SYCP2: variants seen among roughly 807,000 people sequenced by gnomAD.
SYCP2 encodes synaptonemal complex protein 2.
Under a neutral mutation model 211.3 loss-of-function variants are expected in SYCP2, and 55 were observed. The observed-to-expected ratio is 0.26, with a 90% confidence interval of 0.21 to 0.33. The LOEUF (loss-of-function observed/expected upper bound fraction) is 0.33, where lower values mean the gene tolerates loss of function less well. Among genes scored for constraint, SYCP2 ranks in the 10% least tolerant of loss-of-function variants. SYCP2 has a pLI of 1.00. For missense variants in SYCP2, 1,731 were observed against 1,752.0 expected, an observed-to-expected ratio of 0.99 and a Z score of 0.21; for synonymous variants, 570 against 555.2, an observed-to-expected ratio of 1.03 and a Z score of -0.37.
chr20:59,882,728 T>C (rs1415654989), intron 26 of SYCP2, among the ~76,000 whole-genome samples: 1 of 151,756 alleles, frequency 6.6e-6, no homozygotes, highest in Admixed American at 6.6e-5. Flanking sequence ...GCTAAAAAAG[T>C]GAATCTTATG....
Position 59,901,819 on chromosome 20 carries a change from AAAC to A in SYCP2, c.1034-12_1034-10del, listed in dbSNP as rs755033468. On this transcript the variant is annotated splice_polypyrimidine_tract_variant and intron_variant, in intron 15 of 44. Transcript: ENST00000357552. ...CTTCTTTGATTCTCTCACTGTATAG[AAAC>A]AACACTGATTAGTTTACGTTTCTAT... 3 of 1,570,824 alleles carry A rather than the reference AAAC, an allele frequency of 1.9e-6. No homozygotes were observed. The highest frequency in any genetic ancestry group is 1.4e-5 in the African/African-American group (1 of 72,540).
intron 7 of SYCP2, among the ~76,000 whole-genome samples, chr20:59,918,865 T>C (rs1025073438): frequency 1.3e-5 from 2 of 152,124 alleles, no homozygotes; most frequent in African/African-American, 2.4e-5. Flanking sequence ...TAGACCTATA[T>C]TACAAAAAAT....
chr20:59,870,651 A>G (rs1470725223), intron 35 of SYCP2, among the ~76,000 whole-genome samples: 2 of 151,862 alleles, frequency 1.3e-5, no homozygotes, highest in Admixed American at 6.6e-5. Context: ...TCTAAAATGT[A>G]TATGAATCAG....
At chr20:59,914,852 T>C (rs2060405290) in intron 10 of SYCP2, among the ~76,000 whole-genome samples, 1 of 151,972 alleles carries the variant, frequency 6.6e-6, no homozygotes. Flanking sequence ...GCTATTATAT[T>C]AATCTATTAA....
chr20:59,875,211 A>C (rs6070989), intron 34 of SYCP2, 60 bp downstream of exon 34: 20 of 1,086,458 alleles, frequency 1.8e-5, no homozygotes, highest in Non-Finnish European at 2.5e-5. Flanking sequence ...ATTTTCCCAT[A>C]ATTAGAGTTA....
chr20:59,919,361 T>G, intron 6 of SYCP2, 132 bp downstream of exon 6: 1 of 735,316 alleles, frequency 1.4e-6, no homozygotes, highest in South Asian at 1.7e-5. Context: ...TTATACAATC[T>G]GAACAGACCA....
At chr20:59,903,120 T>C (rs528159461) in intron 15 of SYCP2, among the ~76,000 whole-genome samples, 1 of 152,262 alleles carries the variant, frequency 6.6e-6, no homozygotes, top group East Asian at 1.9e-4. Context: ...TGTCTACCTA[T>C]GTTATGGCTA....
Position 59,867,767 on chromosome 20 carries a change from C to G in SYCP2, c.4069G>C (p.Glu1357Gln), listed in dbSNP as rs1157720406. 6.2e-7 allele frequency: 1 copy of G among 1,610,254 alleles called. No individual in the cohort carries two copies. The highest frequency in any genetic ancestry group is 1.3e-5 in the African/African-American group (1 of 74,802). ...CTCTCGTAAGTCTCATAAGTCATCTCTATCCCTGCAAATTCATTTTGCCAG... is the reference window on the plus strand; with the variant it reads ...CTCTCGTAAGTCTCATAAGTCATCTGTATCCCTGCAAATTCATTTTGCCAG... ...ETWQNEFAGI[E>Q]MTYETYERLN... Residue 1357 changes from glutamate (E) to glutamine (Q), a missense_variant, in exon 39 of 45, where the codon GAG becomes CAG. Glu to Gln is a conservative substitution (Grantham distance 29). Coordinates refer to ENST00000357552, the MANE Select transcript of SYCP2 (RefSeq NM_014258.4).
chr20:59,910,291 G>A (rs2060291319), intron 14 of SYCP2, among the ~76,000 whole-genome samples: 1 of 150,998 alleles, frequency 6.6e-6, no homozygotes, highest in South Asian at 2.1e-4. Context: ...CTTGATCAGT[G>A]TCTGGAACAC....
intron 12 of SYCP2, 107 bp from the exon 13 acceptor site, chr20:59,912,525 A>AT: frequency 2.2e-6 from 1 of 454,496 alleles, no homozygotes; most frequent in Admixed American, 4.6e-5. Context: ...GGCAGTGGTC[A>AT]TAATAATTGA....
intron 12 of SYCP2, among the ~76,000 whole-genome samples, chr20:59,913,717 A>G (rs1183186412): frequency 6.6e-6 from 1 of 152,152 alleles, no homozygotes; most frequent in African/African-American, 2.4e-5. Flanking sequence ...TTATTAATTA[A>G]TATGAATTAA....
rs2060345618 is a variant in SYCP2 at position 59,912,251 on chromosome 20, C to A, written c.876+122G>T. 3 of 529,348 alleles carry A rather than the reference C, an allele frequency of 5.7e-6. No individual in the cohort carries two copies. In the African/African-American group the frequency reaches 6.0e-5, roughly 11 times the overall value. 32.8% of individuals were successfully genotyped at this position (529,348 alleles called of 1,614,324 possible). ...CACTGTCAGATACAGAATACTAGAC[C>A]AGCTACATTCATGATCTAATTACAA... On this transcript the variant is annotated intron_variant, in intron 13 of 44. Transcript: ENST00000357552.
Position 59,892,009 on chromosome 20 carries a change from T to C in SYCP2, c.2345A>G (p.Asp782Gly), listed in dbSNP as rs758211968. The C allele has an allele frequency of 8.8e-5, 139 of 1,588,218 alleles. No individual in the cohort carries two copies. Among genetic ancestry groups the C allele is most frequent in the Non-Finnish European group, 1.1e-4 (131 of 1,170,996 alleles). The part of the protein sequence containing the change: ...KELTSELNSW[D>G]SKQKKMREKS... ...GCTCACCATTTTTTTTTGTTTCGAA[T>C]CCCAGGAATTAAGCTCAGAAGTCAA... Residue 782 changes from aspartate (D) to glycine (G), a missense_variant, in exon 24 of 45, where the codon GAT becomes GGT. This residue lies in a region of SYCP2 where 1,387 missense variants were observed against 1,351.3 expected (regional missense o/e 1.03). Transcript: ENST00000357552.
chr20:59,902,432 C>T (rs1482793251), intron 15 of SYCP2, among the ~76,000 whole-genome samples: 1 of 152,078 alleles, frequency 6.6e-6, no homozygotes, highest in Non-Finnish European at 1.5e-5. Context: ...AATAAATGCA[C>T]CTGTATTATA....
rs1358122434 is a variant in SYCP2, at chr20:59,891,722, AGAGTGGGAGGAAC to A, written c.2364+255_2364+267del. 2.0e-5 allele frequency among the ~76,000 whole-genome samples: 3 copies of A among 152,084 alleles called. No homozygotes were observed. In the East Asian group the frequency reaches 5.8e-4, roughly 29 times the overall value. On this transcript the variant is annotated intron_variant, in intron 24 of 44. Coordinates refer to ENST00000357552, the MANE Select transcript of SYCP2 (RefSeq NM_014258.4). ...AGTTCTATATCCAAGTCAAAAGGAA[AGAGTGGGAGGAAC>A]CTAAAAAGAAGAGACAGGAACTGCA...
chr20:59,916,113 C>T (rs1225923171), intron 8 of SYCP2, among the ~76,000 whole-genome samples: 2 of 151,998 alleles, frequency 1.3e-5, no homozygotes, highest in Non-Finnish European at 2.9e-5. Context: ...TGCAATAAAA[C>T]TTGTATTTAT....
rs930458840 is a variant in SYCP2, at chr20:59,901,884, G to A, written c.1034-74C>T. ...GCAAGTATACTATAAATAAGACATG[G>A]ATGTAGCAGATTAATTGAATCAAAA... On this transcript the variant is annotated intron_variant, in intron 15 of 44. Coordinates refer to ENST00000357552, the MANE Select transcript of SYCP2 (RefSeq NM_014258.4). 1.1e-5 allele frequency: 13 copies of A among 1,157,426 alleles called. No homozygotes were observed. In the African/African-American group the frequency reaches 2.1e-4, roughly 18 times the overall value. The allele number at this position is 1,157,426 out of a possible 1,614,324, so 71.7% of individuals were successfully genotyped here. A position where few individuals can be genotyped will look rare whatever the true frequency, so the allele number is the denominator to read the frequency against.
Position 59,922,476 on chromosome 20 carries a change from A to C in SYCP2, c.-46-17T>G. 1 of 1,237,858 alleles carries C rather than the reference A, an allele frequency of 8.1e-7. No homozygotes were observed. Among genetic ancestry groups the C allele is most frequent in the Non-Finnish European group, 1.1e-6 (1 of 881,396 alleles). 76.7% of individuals were successfully genotyped at this position (1,237,858 alleles called of 1,614,324 possible). Reference sequence around the variant, plus strand: ...AATAAACACCTATAAAAGAAAACATATATTTTCTGTATCTCACAATCTGTT... The same window carrying C: ...AATAAACACCTATAAAAGAAAACATCTATTTTCTGTATCTCACAATCTGTT... On this transcript the variant is annotated splice_polypyrimidine_tract_variant and intron_variant, in intron 2 of 44. Coordinates refer to ENST00000357552, the MANE Select transcript of SYCP2 (RefSeq NM_014258.4).
At chr20:59,882,447 G>A (rs2059704102) in intron 26 of SYCP2, among the ~76,000 whole-genome samples, 1 of 152,058 alleles carries the variant, frequency 6.6e-6, no homozygotes. Context: ...AAGTTACTGA[G>A]TATATATCCA....
Sources: gnomAD v4.1 joint callset for allele counts (sites outside exome capture counted in the v4.1 genomes callset) on GRCh38, gnomAD v4.1.1 for gene constraint, gnomAD v4.1.1 regional missense constraint, MANE v1.5 for transcripts, NCBI Gene and HGNC (gene_info 2026-07-23, HGNC 2026-07-21) for gene names.